The following ZFR2 variants were observed in gnomAD, a reference collection of about 807,000 sequenced individuals.
ZFR2 encodes the protein zinc finger RNA-binding protein 2.
In ZFR2, 104 loss-of-function variants were observed where a neutral mutation model predicts 105.7. That is an observed-to-expected ratio of 0.98 (90% CI 0.84 to 1.16). The LOEUF is 1.16. ZFR2 is among the 50% of genes most tolerant of loss of function. The probability of loss-of-function intolerance (pLI) is 0.00; values close to 1 mark genes in which losing one functional copy is unlikely to be tolerated. For synonymous variants in ZFR2, 634 were observed against 597.7 expected (o/e 1.06, Z -0.89); for missense variants, 1,425 against 1,355.5 (o/e 1.05, Z -0.80).
At chr19:3,816,280 C>G (rs1241464329) in intron 13 of ZFR2, among the ~76,000 whole-genome samples, 2 of 140,394 alleles carry the variant, frequency 1.4e-5, no homozygotes, top group Admixed American at 7.6e-5. Context: ...CAGTCTCGCT[C>G]TGTCGCCCAG....
Position 3,813,125 on chromosome 19 carries a change from A to T in ZFR2, c.2242+695T>A, listed in dbSNP as rs2037785634. Among the ~76,000 whole-genome samples the T allele has an allele frequency of 6.6e-6, 1 of 152,186 alleles. No individual in the cohort carries two copies. The highest frequency in any genetic ancestry group is 2.1e-4 in the South Asian group (1 of 4,830). On this transcript the variant is annotated intron_variant, in intron 14 of 18. Transcript: ENST00000262961. The surrounding 1 kb of genome is among the most constrained non-coding windows in gnomAD (Gnocchi z 4.4). ...ATACCAAATCGATTGAAAGAGAAAC[A>T]TCAGTAGGTCATGGCCCTCAGTTAT... is the stretch of plus-strand genomic sequence containing the variant.
chr19:3,860,648 C>T (rs2038362844), intron 1 of ZFR2, among the ~76,000 whole-genome samples: 2 of 152,172 alleles, frequency 1.3e-5, no homozygotes, highest in African/African-American at 2.4e-5. Flanking sequence ...ACCAACTTGA[C>T]GATACCATGC....
Position 3,834,424 on chromosome 19 carries a change from G to A in ZFR2, c.264+349C>T, listed in dbSNP as rs779891086. On this transcript the variant is annotated intron_variant, in intron 2 of 18. Transcript: ENST00000262961. This position sits in a 1 kb window ranked among gnomAD's most constrained non-coding sequence, Gnocchi z 5.3. The stretch of plus-strand genomic sequence containing the variant: ...CTGGTCTCTCTGGGCCCAGGTGGCC[G>A]AGGCCATCTGCCCTGACCAGGGAGG... 7.9e-5 allele frequency among the ~76,000 whole-genome samples: 12 copies of A among 152,108 alleles called. No individual in the cohort carries two copies. Among genetic ancestry groups the A allele is most frequent in the Non-Finnish European group, 1.5e-4 (10 of 68,014 alleles).
At chr19:3,833,825 A>G in intron 2 of ZFR2, 47 bp from the exon 3 acceptor site, 5 of 1,481,520 alleles carry the variant, frequency 3.4e-6, no homozygotes, top group Non-Finnish European at 3.7e-6. Flanking sequence ...GGAGGAGAGC[A>G]GCTCAGGCGG....
intron 13 of ZFR2, among the ~76,000 whole-genome samples, chr19:3,815,679 G>A (rs574041698): frequency 2.3e-4 from 35 of 151,980 alleles, no homozygotes; most frequent in Non-Finnish European, 4.6e-4. Flanking sequence ...GAACTCTTGG[G>A]CTCAAGGGAT....
intron 1 of ZFR2, among the ~76,000 whole-genome samples, chr19:3,855,225 T>C (rs1483324140): frequency 1.3e-5 from 2 of 152,188 alleles, no homozygotes; most frequent in Non-Finnish European, 2.9e-5. Context: ...GTGAATTTTT[T>C]ACTTCTACTT....
intron 11 of ZFR2, 70 bp downstream of exon 11, chr19:3,820,112 C>T (rs537991426): frequency 7.0e-5 from 104 of 1,477,852 alleles, no homozygotes; most frequent in East Asian, 2.0e-4. Flanking sequence ...CGGGTCCTCC[C>T]GAGGAGGTGT....
intron 14 of ZFR2, among the ~76,000 whole-genome samples, chr19:3,812,196 G>C (rs529042072): frequency 1.9e-4 from 29 of 151,288 alleles, no homozygotes; most frequent in Non-Finnish European, 4.0e-4. Flanking sequence ...CGCCGGCCTT[G>C]GCCTCCCAAA....
chr19:3,814,341 A>T (rs2037803064), intron 13 of ZFR2, among the ~76,000 whole-genome samples: 1 of 152,220 alleles, frequency 6.6e-6, no homozygotes, highest in Non-Finnish European at 1.5e-5. Flanking sequence ...ATTACCCCAT[A>T]GTCAGGGAGG....
At chr19:3,819,883 G>A (rs2037870876) in intron 11 of ZFR2, among the ~76,000 whole-genome samples, 2 of 133,480 alleles carry the variant, frequency 1.5e-5, no homozygotes, top group South Asian at 2.3e-4. Flanking sequence ...GAACCTGGGG[G>A]CTCGGGCTGC....
chr19:3,810,885 C>A, intron 15 of ZFR2, 40 bp from the exon 16 acceptor site: 1 of 1,543,434 alleles, frequency 6.5e-7, no homozygotes, highest in African/African-American at 1.4e-5. Flanking sequence ...CAGGGGCTCA[C>A]GTGGCCACAC....
intron 1 of ZFR2, chr19:3,855,738 A>T: frequency 3.0e-6 from 1 of 337,514 alleles, no homozygotes; most frequent in Non-Finnish European, 5.3e-6. Flanking sequence ...AGTTGGGGAA[A>T]CAGGGCAGCG....
chr19:3,864,507 G>A lies in ZFR2; in HGVS notation c.53+4458C>T, dbSNP rs147786337. On this transcript the variant is annotated intron_variant, in intron 1 of 18. Transcript: ENST00000262961. ...TGCAAAGGCACAGCTAGCCGACTGCGTAATACTGGTGGAACTGTGACAAAC... is the reference window on the plus strand; with the variant it reads ...TGCAAAGGCACAGCTAGCCGACTGCATAATACTGGTGGAACTGTGACAAAC... Among the ~76,000 whole-genome samples, 1,078 of 152,326 alleles carry A rather than the reference G, an allele frequency of 7.1e-3. 12 individuals carry two copies. Among genetic ancestry groups the A allele is most frequent in the African/African-American group, 0.025 (1,040 of 41,564 alleles).
Position 3,858,018 on chromosome 19 carries a change from C to A in ZFR2, c.53+10947G>T, listed in dbSNP as rs2038328251. Reference sequence around the variant, plus strand: ...GCCCCAGGCTAATGTCTTTTGATGGCTTTTTGGTCGGAGAATTTGTTTTGG... The same window carrying A: ...GCCCCAGGCTAATGTCTTTTGATGGATTTTTGGTCGGAGAATTTGTTTTGG... On this transcript the variant is annotated intron_variant, in intron 1 of 18. Transcript: ENST00000262961. The surrounding 1 kb of genome is among the most constrained non-coding windows in gnomAD (Gnocchi z 4.3). Among the ~76,000 whole-genome samples, 1 of 152,180 alleles carries A rather than the reference C, an allele frequency of 6.6e-6. No individual in the cohort carries two copies. Among genetic ancestry groups the A allele is most frequent in the African/African-American group, 2.4e-5 (1 of 41,454 alleles).
At chr19:3,852,226 T>G (rs1424820226) in intron 1 of ZFR2, 32 of 458,902 alleles carry the variant, frequency 7.0e-5, no homozygotes, top group Middle Eastern at 5.9e-4. Context: ...CTGGCAGAGG[T>G]GGGGCTCAGC....
At chr19:3,848,353 A>G (rs1192673299) in intron 1 of ZFR2, among the ~76,000 whole-genome samples, 3 of 151,654 alleles carry the variant, frequency 2.0e-5, no homozygotes, top group Admixed American at 6.6e-5. Flanking sequence ...TGGAGGTTGC[A>G]GTGACCCAAG....
intron 12 of ZFR2, 125 bp from the exon 13 acceptor site, chr19:3,816,970 C>T: frequency 1.1e-6 from 1 of 879,406 alleles, no homozygotes; most frequent in South Asian, 1.8e-5. Flanking sequence ...GCATCCTCAT[C>T]CATGAAATGG....
At chr19:3,816,538 G>C (rs1162190199) in intron 13 of ZFR2, 136 bp downstream of exon 13, 4 of 1,338,456 alleles carry the variant, frequency 3.0e-6, no homozygotes, top group Non-Finnish European at 3.9e-6. Flanking sequence ...GAGCCACTGC[G>C]CCTGGCTTAA....
chr19:3,807,411 G>C (rs1447884366), intron 17 of ZFR2, 142 bp from the exon 18 acceptor site: 2 of 632,480 alleles, frequency 3.2e-6, no homozygotes, highest in Non-Finnish European at 5.5e-6. Flanking sequence ...CTGACCCTCA[G>C]GCCTCTCTCA....
Sources: allele counts gnomAD v4.1 joint callset (sites outside exome capture counted in the v4.1 genomes callset), GRCh38; gene constraint gnomAD v4.1.1; non-coding constraint Gnocchi (gnomAD v3.1); transcripts MANE v1.5; gene names NCBI Gene and HGNC (gene_info 2026-07-23, HGNC 2026-07-21).